PPP1R12A: variants seen among roughly 807,000 people sequenced by gnomAD.
PPP1R12A encodes myosin binding subunit.
In PPP1R12A, 19 loss-of-function variants were observed where a neutral mutation model predicts 139.6. The observed-to-expected ratio is 0.14, with a 90% CI of 0.09 to 0.20. The LOEUF is 0.20. Among genes scored for constraint, PPP1R12A ranks in the 10% least tolerant of loss-of-function variants. PPP1R12A has a pLI of 1.00. For missense variants in PPP1R12A, 925 were observed against 1,211.5 expected (o/e 0.76, Z 3.51); for synonymous variants, 427 against 420.6 (o/e 1.02, Z -0.19).
chr12:79,885,356 T>C (rs1325996647), intron 1 of PPP1R12A, among the ~76,000 whole-genome samples: 1 of 152,198 alleles, frequency 6.6e-6, no homozygotes, highest in Admixed American at 6.5e-5. Context: ...CACTATTGTT[T>C]ATATAGTCCA....
In PPP1R12A at chr12:79,794,481, TGTAATTAAGTAATTA is replaced by T. The variant is rs1427236444; in HGVS notation, c.2584-568_2584-554del. Among the ~76,000 whole-genome samples the T allele has an allele frequency of 2.0e-5, 3 of 151,982 alleles. No individual in the cohort carries two copies. In the East Asian group the frequency reaches 5.8e-4, roughly 29 times the overall value. On this transcript the variant is annotated intron_variant, in intron 18 of 24. Transcript: ENST00000450142. Reference sequence around the variant, plus strand: ...GCAAATGACAATGTTATTTGTTTCATGTAATTAAGTAATTAGTAATTAAGTAAAATTAAAATGGAC... The same window carrying T: ...GCAAATGACAATGTTATTTGTTTCATGTAATTAAGTAAAATTAAAATGGAC...
At chr12:79,922,816 C>A (rs894272049) in intron 1 of PPP1R12A, among the ~76,000 whole-genome samples, 1 of 152,016 alleles carries the variant, frequency 6.6e-6, no homozygotes, top group Admixed American at 6.5e-5. Context: ...CACACCTGCA[C>A]GTTCTGCACA....
At chr12:79,884,658 T>G (rs908289209) in intron 1 of PPP1R12A, among the ~76,000 whole-genome samples, 2 of 152,118 alleles carry the variant, frequency 1.3e-5, no homozygotes. Flanking sequence ...CTGAACCATA[T>G]AAGGAAAGAA....
Position 79,820,758 on chromosome 12 carries a change from T to C in PPP1R12A, c.1114+16A>G. The C allele has an allele frequency of 1.9e-6, 3 of 1,605,552 alleles. No individual in the cohort carries two copies. Among genetic ancestry groups the C allele is most frequent in the Non-Finnish European group, 2.5e-6 (3 of 1,176,834 alleles). ...CCACAAAATTCAACGAAAATGCATTTATCTTTTAATTTTACCTGTTTCAGC... is the reference window on the plus strand; with the variant it reads ...CCACAAAATTCAACGAAAATGCATTCATCTTTTAATTTTACCTGTTTCAGC... On this transcript the variant is annotated intron_variant, in intron 8 of 24. Coordinates refer to ENST00000450142, the MANE Select transcript of PPP1R12A (RefSeq NM_002480.3).
intron 20 of PPP1R12A, chr12:79,789,576 C>G (rs1033172376): frequency 4.5e-6 from 2 of 441,414 alleles, no homozygotes; most frequent in Non-Finnish European, 9.0e-6. Flanking sequence ...CTCTTATTAT[C>G]TGGTTCTGAA....
At chr12:79,858,473 C>A (rs1467985606) in intron 2 of PPP1R12A, among the ~76,000 whole-genome samples, 1 of 152,034 alleles carries the variant, frequency 6.6e-6, no homozygotes, top group Non-Finnish European at 1.5e-5. Flanking sequence ...TTAATATTTC[C>A]ATTTTATGGA....
chr12:79,783,382 T>A (rs999739308), intron 22 of PPP1R12A, among the ~76,000 whole-genome samples: 1 of 151,952 alleles, frequency 6.6e-6, no homozygotes, highest in Non-Finnish European at 1.5e-5. Flanking sequence ...GTGGGATGAT[T>A]GCTTGAGCCA....
chr12:79,841,113 G>A (rs1878655646), intron 3 of PPP1R12A, among the ~76,000 whole-genome samples: 1 of 151,060 alleles, frequency 6.6e-6, no homozygotes, highest in African/African-American at 2.4e-5. Flanking sequence ...GTCCAGGCTG[G>A]AGTGCAGTGA....
At chr12:79,910,442 C>G (rs779068808) in intron 1 of PPP1R12A, among the ~76,000 whole-genome samples, 1 of 150,720 alleles carries the variant, frequency 6.6e-6, no homozygotes, top group Non-Finnish European at 1.5e-5. Context: ...GACGGCGCCA[C>G]TGCCTGGGCA....
At chr12:79,859,737 T>A (rs955080655) in intron 2 of PPP1R12A, among the ~76,000 whole-genome samples, 1 of 152,058 alleles carries the variant, frequency 6.6e-6, no homozygotes, top group African/African-American at 2.4e-5. Flanking sequence ...AGACTCTGTC[T>A]CTACAAAAAT....
chr12:79,916,927 A>G (rs2136931442), intron 1 of PPP1R12A, among the ~76,000 whole-genome samples: 1 of 152,022 alleles, frequency 6.6e-6, no homozygotes, highest in South Asian at 2.1e-4. Flanking sequence ...GCTTGTTGTA[A>G]AAGATCCAAA....
chr12:79,927,824 A>G (rs1887958694), intron 1 of PPP1R12A, among the ~76,000 whole-genome samples: 1 of 152,226 alleles, frequency 6.6e-6, no homozygotes, highest in African/African-American at 2.4e-5. Flanking sequence ...GAATAAACTT[A>G]TAATTGTTGG....
At chr12:79,890,131 A>C (rs935104031) in intron 1 of PPP1R12A, among the ~76,000 whole-genome samples, 1 of 152,144 alleles carries the variant, frequency 6.6e-6, no homozygotes, top group Non-Finnish European at 1.5e-5. Flanking sequence ...AACTTGAAAA[A>C]CCAAAGAAAA....
chr12:79,826,839 A>T (rs915321345), intron 5 of PPP1R12A, among the ~76,000 whole-genome samples: 1 of 152,192 alleles, frequency 6.6e-6, no homozygotes. Flanking sequence ...AAACCATTTC[A>T]ATTAATAAGC....
chr12:79,935,362 A>T (rs1327810142), upstream of PPP1R12A: 3 of 1,002,016 alleles, frequency 3.0e-6, no homozygotes, highest in Non-Finnish European at 3.6e-6. Flanking sequence ...CCTGGAAAGG[A>T]GGAAGCGGGG....
chr12:79,876,562 G>T (rs999759975), intron 1 of PPP1R12A, among the ~76,000 whole-genome samples: 1 of 152,134 alleles, frequency 6.6e-6, no homozygotes, highest in Non-Finnish European at 1.5e-5. Context: ...GCTTTCCACA[G>T]ATGTTCCTAG....
intron 8 of PPP1R12A, chr12:79,819,047 T>G (rs2137106392): frequency 6.6e-6 from 1 of 152,274 alleles, no homozygotes; most frequent in African/African-American, 2.4e-5. Flanking sequence ...AGAGTCAAAT[T>G]TTCCTGGCAC....
chr12:79,915,517 T>C lies in PPP1R12A; in HGVS notation c.237+19178A>G, dbSNP rs138763974. Among the ~76,000 whole-genome samples the C allele has an allele frequency of 2.9e-3, 436 of 152,266 alleles. 1 individual carries two copies. Among genetic ancestry groups the C allele is most frequent in the Middle Eastern group, 0.014 (4 of 292 alleles). ...AAATTGGTATATTTAAAAATTATTA[T>C]ACTGTTGTCAGACACCAGGCTTGCT... On this transcript the variant is annotated intron_variant, in intron 1 of 24. Transcript: ENST00000450142.
Position 79,855,674 on chromosome 12 carries a change from C to T in PPP1R12A, c.369-10254G>A, listed in dbSNP as rs117329831. 8.0e-3 allele frequency among the ~76,000 whole-genome samples: 1,216 copies of T among 151,932 alleles called. 15 individuals carry two copies. Among genetic ancestry groups the T allele is most frequent in the Non-Finnish European group, 8.6e-3 (584 of 67,968 alleles). ...CACTCCCACCAGGTCTGGGATAGCA[C>T]TCTATAACCAAACACAAAATTATTT... is the stretch of plus-strand genomic sequence containing the variant. On this transcript the variant is annotated intron_variant, in intron 2 of 24. Coordinates refer to ENST00000450142, the MANE Select transcript of PPP1R12A (RefSeq NM_002480.3).
Sources: gnomAD v4.1 joint callset for allele counts (sites outside exome capture counted in the v4.1 genomes callset) on GRCh38, gnomAD v4.1.1 for gene constraint, MANE v1.5 for transcripts, NCBI Gene and HGNC (gene_info 2026-07-23, HGNC 2026-07-21) for gene names.